COL5A2: variants seen among roughly 807,000 people sequenced by gnomAD.
COL5A2 encodes collagen alpha-2(V) chain.
COL5A2 carries 23 observed loss-of-function variants against 208.2 expected under a neutral mutation model. The observed-to-expected ratio is 0.11, with a 90% CI of 0.08 to 0.16. The LOEUF (loss-of-function observed/expected upper bound fraction) is 0.16. Among genes scored for constraint, COL5A2 ranks in the 10% least tolerant of loss-of-function variants. COL5A2 has a pLI of 1.00. For synonymous variants in COL5A2, 625 were observed against 628.5 expected, an observed-to-expected ratio of 0.99 and a Z score of 0.08; for missense variants, 1,590 against 1,956.4, an observed-to-expected ratio of 0.81 and a Z score of 3.53.
In COL5A2 at chr2:189,045,235, A is replaced by C. The variant is rs752705717; in HGVS notation, c.3310-3T>G. 6.2e-7 allele frequency: 1 copy of C among 1,606,532 alleles called. No individual in the cohort carries two copies. Among genetic ancestry groups the C allele is most frequent in the Non-Finnish European group, 8.5e-7 (1 of 1,175,812 alleles). On this transcript the variant is annotated splice_region_variant and splice_polypyrimidine_tract_variant and intron_variant, in intron 46 of 53. Transcript: ENST00000374866. ...GGTCCTATAGGACCCCGAGAACCCT[A>C]AAAGAAATTTACAACAAAAAAAATT... is the stretch of plus-strand genomic sequence containing the variant.
At chr2:189,324,802 C>A in the COL5A2 span, among the ~76,000 whole-genome samples, 91 of 152,224 alleles carry the variant, frequency 6.0e-4, 2 homozygotes, top group Non-Finnish European at 1.0e-3. Context: ...TTTGACCCAG[C>A]CATCCCATTA....
At chr2:189,085,607 T>C (rs1470893528) in intron 10 of COL5A2, 112 bp downstream of exon 10, 1 of 884,808 alleles carries the variant, frequency 1.1e-6, no homozygotes, top group African/African-American at 1.6e-5. Flanking sequence ...AACTGGATTG[T>C]TATTTCTTCC....
intron 33 of COL5A2, among the ~76,000 whole-genome samples, chr2:189,057,752 T>C (rs1685933398): frequency 6.6e-6 from 1 of 152,188 alleles, no homozygotes; most frequent in Non-Finnish European, 1.5e-5. Flanking sequence ...AGACATTACA[T>C]TTAGAGAAAT....
At chr2:189,110,796 G>C (rs1432576457) in intron 1 of COL5A2, among the ~76,000 whole-genome samples, 1 of 152,104 alleles carries the variant, frequency 6.6e-6, no homozygotes, top group East Asian at 1.9e-4. Context: ...TGAAAATGGG[G>C]AGAAAATGAA....
At chr2:189,346,108 CCAAATGCTAG>C in the COL5A2 span, among the ~76,000 whole-genome samples, 2 of 152,126 alleles carry the variant, frequency 1.3e-5, no homozygotes, top group Non-Finnish European at 2.9e-5. Context: ...TCATTTCTTG[CCAAATGCTAG>C]CAAATGCTTG....
At chr2:189,104,359 G>C in intron 2 of COL5A2, 82 bp from the exon 3 acceptor site, 1 of 982,066 alleles carries the variant, frequency 1.0e-6, no homozygotes, top group East Asian at 2.4e-5. Context: ...TTCAATAATA[G>C]ATTTCTTCTG....
the COL5A2 span, among the ~76,000 whole-genome samples, chr2:189,417,194 T>C: frequency 0.56 from 85,837 of 151,982 alleles, 26,058 homozygotes; most frequent in East Asian, 0.69. Context: ...CTGGAATTTA[T>C]GGACTAAAAC....
intron 1 of COL5A2, among the ~76,000 whole-genome samples, chr2:189,114,174 C>T (rs1687341294): frequency 2.0e-5 from 3 of 152,198 alleles, no homozygotes; most frequent in African/African-American, 7.2e-5. Flanking sequence ...CGAAAAACCA[C>T]ATTCACTGTT....
chr2:189,175,575 A>C, intron 1 of COL5A2, among the ~76,000 whole-genome samples: 3 of 138,464 alleles, frequency 2.2e-5, no homozygotes, highest in Admixed American at 7.9e-5. Flanking sequence ...ACAGAGTCTC[A>C]CTCTGTCACC....
the COL5A2 span, among the ~76,000 whole-genome samples, chr2:189,412,931 A>G: frequency 6.6e-6 from 1 of 152,182 alleles, no homozygotes; most frequent in Non-Finnish European, 1.5e-5. Flanking sequence ...GGAAAGTAGA[A>G]AGGTGCCTGA....
chr2:189,321,176 T>C, the COL5A2 span, among the ~76,000 whole-genome samples: 1 of 152,054 alleles, frequency 6.6e-6, no homozygotes, highest in Non-Finnish European at 1.5e-5. Context: ...GCACTAAACA[T>C]GGAGAGGAAC....
At chr2:189,184,573 C>T (rs983837001), upstream of COL5A2, among the ~76,000 whole-genome samples, 3 of 152,146 alleles carry the variant, frequency 2.0e-5, no homozygotes, top group Non-Finnish European at 4.4e-5. Context: ...GTGGCCCCTT[C>T]CTCCATCTGC....
the COL5A2 span, among the ~76,000 whole-genome samples, chr2:189,415,218 T>C: frequency 1.3e-5 from 2 of 152,224 alleles, no homozygotes; most frequent in Admixed American, 1.3e-4. Flanking sequence ...AGTGATATGT[T>C]CTATTATGAT....
upstream of COL5A2, among the ~76,000 whole-genome samples, chr2:189,180,801 C>T (rs1194190553): frequency 6.6e-6 from 1 of 152,120 alleles, no homozygotes; most frequent in African/African-American, 2.4e-5. Context: ...GGAAAATTAT[C>T]GATGAACTTT....
At chr2:189,128,181 C>T (rs1334546675) in intron 1 of COL5A2, among the ~76,000 whole-genome samples, 2 of 152,104 alleles carry the variant, frequency 1.3e-5, no homozygotes, top group East Asian at 3.9e-4. Flanking sequence ...TTATAAGGCA[C>T]CTTGACAAGA....
At chr2:189,175,329 T>G (rs573330819) in intron 1 of COL5A2, among the ~76,000 whole-genome samples, 48 of 152,098 alleles carry the variant, frequency 3.2e-4, no homozygotes, top group Middle Eastern at 3.4e-3. Flanking sequence ...CAGTTTTTGT[T>G]TTCCATCCTC....
chr2:189,342,984 A>G, the COL5A2 span, among the ~76,000 whole-genome samples: 1 of 152,152 alleles, frequency 6.6e-6, no homozygotes, highest in East Asian at 1.9e-4. Flanking sequence ...AGAAGCTTTA[A>G]CTATGAGCAA....
chr2:189,093,863 T>C (rs1283005546), intron 6 of COL5A2, among the ~76,000 whole-genome samples: 1 of 152,168 alleles, frequency 6.6e-6, no homozygotes, highest in Non-Finnish European at 1.5e-5. Flanking sequence ...ACAGACAAAA[T>C]AATAGTCTGG....
At chr2:189,274,486 C>T in the COL5A2 span, among the ~76,000 whole-genome samples, 3 of 152,122 alleles carry the variant, frequency 2.0e-5, no homozygotes, top group African/African-American at 7.2e-5. Context: ...TGGCATCCTC[C>T]TCACAGCCTG....
Sources: allele counts gnomAD v4.1 joint callset (sites outside exome capture counted in the v4.1 genomes callset), GRCh38; gene constraint gnomAD v4.1.1; transcripts MANE v1.5; gene names NCBI Gene and HGNC (gene_info 2026-07-23, HGNC 2026-07-21).